The following GGT5 variants were observed in gnomAD, a reference collection of about 807,000 sequenced individuals.
GGT5 encodes glutathione hydrolase 5 proenzyme.
A neutral mutation model predicts 58.1 loss-of-function variants in GGT5; 50 were observed. The ratio of observed to expected loss-of-function variants is 0.86; its 90% CI spans 0.69 to 1.09. The LOEUF (loss-of-function observed/expected upper bound fraction) is 1.09, where lower values mean the gene tolerates loss of function less well. GGT5 is among the 50% of genes least tolerant of loss of function. The pLI is 0.00. For synonymous variants in GGT5, 370 were observed against 346.1 expected (o/e 1.07, Z -0.77); for missense variants, 800 against 789.4 (o/e 1.01, Z -0.16).
Position 24,225,284 on chromosome 22 carries a change from G to A in GGT5, c.1464C>T (p.Gly488=), listed in dbSNP as rs150898918. ...AGATGATGAGCTCCCCGCCAGCCCC[G>A]CCAATCACTAGCTTCGACCCCTGGG... The part of the protein sequence containing the change: ...NKAQGSKLVI[G]GAGGELIISA... The change falls in exon 10 of 12, where the codon GGC becomes GGT. Residue 488 remains glycine, a synonymous_variant. Transcript: ENST00000327365. 1.1e-4 allele frequency: 178 copies of A among 1,613,936 alleles called. No individual in the cohort carries two copies. The highest frequency in any genetic ancestry group is 1.8e-4 in the Admixed American group (11 of 60,014).
At chr22:24,236,231 C>T (rs925402876) in intron 1 of GGT5, among the ~76,000 whole-genome samples, 3 of 152,170 alleles carry the variant, frequency 2.0e-5, no homozygotes, top group African/African-American at 2.4e-5. Context: ...TCCTAGTCCT[C>T]GTTGTCTTAG....
At chr22:24,230,481 C>T (rs1019475998) in intron 6 of GGT5, among the ~76,000 whole-genome samples, 4 of 151,806 alleles carry the variant, frequency 2.6e-5, no homozygotes, top group African/African-American at 9.7e-5. Context: ...TCACTTGAAC[C>T]CAGGAAGCAG....
At chr22:24,239,489 A>G (rs2048271627) in intron 1 of GGT5, among the ~76,000 whole-genome samples, 1 of 152,154 alleles carries the variant, frequency 6.6e-6, no homozygotes, top group Admixed American at 6.5e-5. Flanking sequence ...TATATCTGGG[A>G]TTTGCACTGA....
chr22:24,226,324 C>T (rs1037418806), intron 7 of GGT5, 58 bp from the exon 8 acceptor site: 1 of 1,389,262 alleles, frequency 7.2e-7, no homozygotes, highest in Admixed American at 1.8e-5. Flanking sequence ...TCCGCAGAAC[C>T]AAGGGCAGGA....
intron 11 of GGT5, among the ~76,000 whole-genome samples, chr22:24,222,517 C>A (rs539737947): frequency 6.6e-6 from 1 of 152,274 alleles, no homozygotes; most frequent in Non-Finnish European, 1.5e-5. Flanking sequence ...CTCTCCTCGC[C>A]CTAGTCCCTG....
intron 1 of GGT5, 52 bp from the exon 2 acceptor site, chr22:24,234,056 C>T (rs1188785703): frequency 6.5e-7 from 1 of 1,548,450 alleles, no homozygotes; most frequent in Non-Finnish European, 8.7e-7. Flanking sequence ...CCTGCCTCCC[C>T]ACCAGGCTTG....
chr22:24,234,712 C>T (rs998526853), intron 1 of GGT5, among the ~76,000 whole-genome samples: 1 of 152,026 alleles, frequency 6.6e-6, no homozygotes, highest in Non-Finnish European at 1.5e-5. Flanking sequence ...CCCAGCTACG[C>T]AGGAGGCTGA....
At chr22:24,223,192 G>A (rs1322189722) in intron 11 of GGT5, among the ~76,000 whole-genome samples, 3 of 152,038 alleles carry the variant, frequency 2.0e-5, no homozygotes, top group Non-Finnish European at 4.4e-5. Flanking sequence ...ACTTGAGATT[G>A]GGAGCTCAAG....
Position 24,234,030 on chromosome 22 carries a change from G to C in GGT5, c.174-26C>G. 6 of 1,581,456 alleles carry C rather than the reference G, an allele frequency of 3.8e-6. No homozygotes were observed. The South Asian group carries it at 5.7e-5, about 15-fold the overall frequency. On this transcript the variant is annotated intron_variant, in intron 1 of 11. Coordinates refer to ENST00000327365, the MANE Select transcript of GGT5 (RefSeq NM_004121.5). ...CTAGGGGACATGGCACAGAGTCGCT[G>C]TGGGGCTCCCCTCCCCCTGCCTCCC...
intron 6 of GGT5, among the ~76,000 whole-genome samples, chr22:24,229,392 C>T (rs1357559773): frequency 2.0e-5 from 3 of 150,294 alleles, no homozygotes; most frequent in East Asian, 3.9e-4. Flanking sequence ...GGCGACAGAG[C>T]GAGACTCTGT....
intron 11 of GGT5, among the ~76,000 whole-genome samples, chr22:24,221,931 C>T (rs867903603): frequency 5.9e-5 from 9 of 151,642 alleles, no homozygotes; most frequent in South Asian, 4.2e-4. Context: ...GTAATCCCAG[C>T]ACTTTGGGAG....
intron 1 of GGT5, among the ~76,000 whole-genome samples, chr22:24,239,598 C>T (rs977699875): frequency 6.6e-6 from 1 of 151,730 alleles, no homozygotes; most frequent in African/African-American, 2.4e-5. Context: ...GGCTTCATTA[C>T]ACAATTCTCT....
At position 24,226,724 on chromosome 22, in the gene GGT5, C is replaced by G; in HGVS notation, c.945G>C (p.Arg315Ser). Residue 315 changes from arginine to serine, a missense_variant, in exon 7 of 12, where the codon AGG becomes AGC. By Grantham distance (110) the Arg-to-Ser change is moderately radical (BLOSUM62 -1). Coordinates refer to ENST00000327365, the MANE Select transcript of GGT5 (RefSeq NM_004121.5). ...CTACAAGGTGGTGGTACACGTTCACCCTCCCTTCAGGCCTGGCCATAGACT... is the reference window on the plus strand; with the variant it reads ...CTACAAGGTGGTGGTACACGTTCACGCTCCCTTCAGGCCTGGCCATAGACT... ...STESMARPEG[R>S]VNVYHHLVET... is the part of the protein sequence containing the mutation. 1 of 1,613,772 alleles carries G rather than the reference C, an allele frequency of 6.2e-7. No individual in the cohort carries two copies. Among genetic ancestry groups the G allele is most frequent in the Non-Finnish European group, 8.5e-7 (1 of 1,179,770 alleles).
At position 24,230,264 on chromosome 22, in the gene GGT5, A is replaced by G. The variant is rs546399923; in HGVS notation, c.901+1120T>C. On this transcript the variant is annotated intron_variant, in intron 6 of 11. Coordinates refer to ENST00000327365, the MANE Select transcript of GGT5 (RefSeq NM_004121.5). The stretch of plus-strand genomic sequence containing the variant: ...GCGCCTGTAATCCCAGCTACTTGGG[A>G]GACTGAGGCAGGAGAATTGCTTGTA... Among the ~76,000 whole-genome samples the G allele has an allele frequency of 5.3e-5, 8 of 152,002 alleles. No homozygotes were observed. The South Asian group carries it at 1.7e-3, about 32-fold the overall frequency.
chr22:24,231,957 A>G, intron 5 of GGT5, 94 bp downstream of exon 5: 1 of 1,073,120 alleles, frequency 9.3e-7, no homozygotes, highest in Non-Finnish European at 1.4e-6. Flanking sequence ...GCACTCCCTC[A>G]GGGCCTGGGA....
Position 24,232,877 on chromosome 22 carries a change from C to T in GGT5, c.542G>A (p.Ser181Asn). 1.9e-6 allele frequency: 3 copies of T among 1,581,476 alleles called. No homozygotes were observed. The highest frequency in any genetic ancestry group is 2.6e-6 in the Non-Finnish European group (3 of 1,162,676). ...CAGGATGCTGTTGTGCAGGAAACGG[C>T]TGAGGACAGGGGCCACCACATGCCC... ...RGGHVVAPVL[S>N]RFLHNSILRP... The change falls in exon 4 of 12, where the codon AGC becomes AAC. Residue 181 changes from serine (S) to asparagine (N), a missense_variant. Physicochemically the swap from Ser to Asn is conservative, Grantham distance 46. Coordinates refer to ENST00000327365, the MANE Select transcript of GGT5 (RefSeq NM_004121.5).
intron 1 of GGT5, among the ~76,000 whole-genome samples, chr22:24,238,660 C>T (rs1452516381): frequency 1.5e-4 from 18 of 120,722 alleles, no homozygotes; most frequent in Admixed American, 3.8e-4. Flanking sequence ...GCTGAGATCA[C>T]GCCACTATAC....
rs1242132730 is a variant in GGT5 at position 24,231,544 on chromosome 22, G to A, written c.755-14C>T. 2.5e-6 allele frequency: 4 copies of A among 1,585,768 alleles called. No homozygotes were observed. Among genetic ancestry groups the A allele is most frequent in the Non-Finnish European group, 3.4e-6 (4 of 1,166,130 alleles). ...TCAGCTGGCTCCCTGGGATGAGAAG[G>A]AGAGGGCTCCATGAACAGATGGGAA... On this transcript the variant is annotated splice_polypyrimidine_tract_variant and intron_variant, in intron 5 of 11. Transcript: ENST00000327365.
Position 24,239,931 on chromosome 22 carries a change from C to T in GGT5, c.173+4622G>A, listed in dbSNP as rs1423755864. 4.0e-5 allele frequency among the ~76,000 whole-genome samples: 6 copies of T among 151,898 alleles called. No homozygotes were observed. In the East Asian group the frequency reaches 5.8e-4, roughly 15 times the overall value. On this transcript the variant is annotated intron_variant, in intron 1 of 11. Transcript: ENST00000327365. ...ACCCTGTCTCTACTAAAAAAGAATA[C>T]AAAAATTAGCCGGGCATAGTGGTGC...
Sources: gnomAD v4.1 joint callset for allele counts (sites outside exome capture counted in the v4.1 genomes callset) on GRCh38, gnomAD v4.1.1 for gene constraint, MANE v1.5 for transcripts, NCBI Gene and HGNC (gene_info 2026-07-23, HGNC 2026-07-21) for gene names.